The following ARB2A variants were observed in gnomAD, a reference collection of about 807,000 sequenced individuals.
The protein encoded by ARB2A is ARB2 cotranscriptional regulator A, also known as cotranscriptional regulator ARB2A.
At chr5:93,861,694 C>T in the ARB2A span, 180 of 152,282 alleles carry the variant, frequency 1.2e-3, no homozygotes, top group African/African-American at 4.1e-3. Context: ...GAGCTTGATA[C>T]ATACAGTTTT....
chr5:94,015,742 A>G, the ARB2A span, among the ~76,000 whole-genome samples: 3 of 152,272 alleles, frequency 2.0e-5, no homozygotes, highest in African/African-American at 4.8e-5. Flanking sequence ...ATAATTTGCT[A>G]TAAGATTTTT....
At chr5:93,794,726 G>T in the ARB2A span, among the ~76,000 whole-genome samples, 2 of 151,924 alleles carry the variant, frequency 1.3e-5, no homozygotes, top group Non-Finnish European at 2.9e-5. Context: ...GGCTCTGGTT[G>T]GTACTGGGAG....
chr5:94,052,571 T>C, the ARB2A span, among the ~76,000 whole-genome samples: 1 of 152,194 alleles, frequency 6.6e-6, no homozygotes, highest in Non-Finnish European at 1.5e-5. Flanking sequence ...TAAGGGTGTA[T>C]TACACATGAT....
the ARB2A span, among the ~76,000 whole-genome samples, chr5:93,946,673 T>C: frequency 5.3e-5 from 8 of 152,280 alleles, no homozygotes; most frequent in Admixed American, 4.6e-4. Context: ...TTGAAAATGA[T>C]TACATCTAAG....
chr5:93,763,768 C>A, the ARB2A span, among the ~76,000 whole-genome samples: 1 of 152,152 alleles, frequency 6.6e-6, no homozygotes, highest in African/African-American at 2.4e-5. Context: ...CCGCAGCACA[C>A]CTATTCCAAA....
the ARB2A span, among the ~76,000 whole-genome samples, chr5:94,025,161 T>G: frequency 0.11 from 16,141 of 152,238 alleles, 977 homozygotes; most frequent in Middle Eastern, 0.16. Context: ...GGAATTAAGT[T>G]TCTTAAGTCA....
the ARB2A span, among the ~76,000 whole-genome samples, chr5:93,946,403 C>T: frequency 5.5e-4 from 84 of 151,896 alleles, no homozygotes; most frequent in African/African-American, 1.8e-3. Context: ...AATTAAGAGA[C>T]GAATGAAGAT....
At chr5:94,091,245 A>G in the ARB2A span, among the ~76,000 whole-genome samples, 1 of 152,224 alleles carries the variant, frequency 6.6e-6, no homozygotes, top group Admixed American at 6.5e-5. Flanking sequence ...TTTGTTTTCA[A>G]TTATGAAACT....
the ARB2A span, among the ~76,000 whole-genome samples, chr5:93,890,481 A>G: frequency 6.6e-6 from 1 of 151,954 alleles, no homozygotes; most frequent in Non-Finnish European, 1.5e-5. Context: ...TTTTAAAAAC[A>G]CACAATGATT....
At chr5:93,745,493 G>C in the ARB2A span, among the ~76,000 whole-genome samples, 1 of 152,218 alleles carries the variant, frequency 6.6e-6, no homozygotes, top group East Asian at 1.9e-4. Flanking sequence ...CTGGATGTGC[G>C]AGTGATCTGC....
At chr5:94,060,585 A>C in the ARB2A span, among the ~76,000 whole-genome samples, 1 of 152,212 alleles carries the variant, frequency 6.6e-6, no homozygotes, top group East Asian at 1.9e-4. Flanking sequence ...AAAATACTTA[A>C]AAATAAATTG....
the ARB2A span, among the ~76,000 whole-genome samples, chr5:93,799,871 GA>G: frequency 2.0e-5 from 3 of 151,584 alleles, no homozygotes. Context: ...GAAATAATTA[GA>G]AAAAAATACC....
the ARB2A span, among the ~76,000 whole-genome samples, chr5:93,820,911 T>A: frequency 3.9e-5 from 6 of 152,160 alleles, no homozygotes; most frequent in African/African-American, 1.4e-4. Flanking sequence ...AGCATATTTT[T>A]AATATCATGT....
chr5:93,747,468 G>C, the ARB2A span, among the ~76,000 whole-genome samples: 1 of 151,894 alleles, frequency 6.6e-6, no homozygotes, highest in African/African-American at 2.4e-5. Flanking sequence ...AAATTCAAGA[G>C]GTAGTACCAG....
the ARB2A span, among the ~76,000 whole-genome samples, chr5:93,640,448 CA>C: frequency 5.4e-4 from 74 of 137,938 alleles, no homozygotes; most frequent in Non-Finnish European, 4.9e-4. Flanking sequence ...GACTCCGTCT[CA>C]AAAAAAAAAA....
chr5:93,856,601 T>C, the ARB2A span, among the ~76,000 whole-genome samples: 3 of 152,240 alleles, frequency 2.0e-5, no homozygotes, highest in African/African-American at 7.2e-5. Flanking sequence ...GCATTCTTCA[T>C]GTAGTTCTCG....
the ARB2A span, chr5:93,805,777 G>A: frequency 1.0e-6 from 1 of 984,940 alleles, no homozygotes; most frequent in South Asian, 4.7e-5. Flanking sequence ...TGCATTTGGG[G>A]TTGTCGTTCA....
At chr5:94,065,860 C>T in the ARB2A span, among the ~76,000 whole-genome samples, 12 of 152,246 alleles carry the variant, frequency 7.9e-5, no homozygotes, top group Non-Finnish European at 1.6e-4. Context: ...TTAAACTACA[C>T]ATTAGATCAA....
the ARB2A span, among the ~76,000 whole-genome samples, chr5:93,767,444 G>A: frequency 6.6e-6 from 1 of 152,090 alleles, no homozygotes; most frequent in Non-Finnish European, 1.5e-5. Context: ...GGAATGTACA[G>A]CCACTATGGA....
Sources: allele counts gnomAD v4.1 joint callset (sites outside exome capture counted in the v4.1 genomes callset), GRCh38; gene constraint gnomAD v4.1.1; transcripts MANE v1.5; gene names NCBI Gene and HGNC (gene_info 2026-07-23, HGNC 2026-07-21).